CFH: variants seen among roughly 807,000 people sequenced by gnomAD.
The protein encoded by CFH is H factor 1 (complement).
In CFH, 53 loss-of-function variants were observed where a neutral mutation model predicts 147.3. The ratio of observed to expected loss-of-function variants is 0.36; its 90% CI spans 0.29 to 0.45. The LOEUF (loss-of-function observed/expected upper bound fraction) is 0.45. Among genes scored for constraint, CFH ranks in the 20% least tolerant of loss-of-function variants. CFH has a pLI of 1.00. For synonymous variants in CFH, 536 were observed against 489.4 expected (o/e 1.10, Z -1.26); for missense variants, 1,380 against 1,498.0 (o/e 0.92, Z 1.30).
rs771149112 is a variant in CFH, at chr1:196,745,948, A to C, written c.3442A>C (p.Lys1148Gln). The C allele has an allele frequency of 1.4e-5, 23 of 1,614,050 alleles. No homozygotes were observed. In the South Asian group the frequency reaches 2.5e-4, roughly 18 times the overall value. Residue 1148 changes from lysine to glutamine, a missense_variant, in exon 21 of 22, where the codon AAG becomes CAG. Lys to Gln is a moderately conservative substitution (Grantham distance 53, BLOSUM62 1). This residue lies in a region of CFH where 123 missense variants were observed against 185.3 expected (regional missense o/e 0.66). Coordinates refer to ENST00000367429, the MANE Select transcript of CFH (RefSeq NM_000186.4). ...GAACTTGTATCAACTTGAGGGTAAC[A>C]AGCGAATAACATGTAGAAATGGACA... is the stretch of plus-strand genomic sequence containing the variant. ...CQNLYQLEGN[K>Q]RITCRNGQWS...
At chr1:196,707,630 C>A (rs1668623248) in intron 9 of CFH, among the ~76,000 whole-genome samples, 1 of 152,186 alleles carries the variant, frequency 6.6e-6, no homozygotes, top group South Asian at 2.1e-4. Flanking sequence ...ATAAAACCCG[C>A]CCCGCCAGAT....
Position 196,741,918 on chromosome 1 carries a change from C to T in CFH, c.3000C>T (p.Pro1000=), listed in dbSNP as rs1652819535. 6.2e-7 allele frequency: 1 copy of T among 1,613,952 alleles called. No homozygotes were observed. The highest frequency in any genetic ancestry group is 8.5e-7 in the Non-Finnish European group (1 of 1,180,008). Reference sequence around the variant, plus strand: ...TACCTAGCTTTGAAAATGCCATACCCATGGGAGAGAAGAAGGATGTGTATA... The same window carrying T: ...TACCTAGCTTTGAAAATGCCATACCTATGGGAGAGAAGAAGGATGTGTATA... ...LSLPSFENAI[P]MGEKKDVYKA... Residue 1000 remains proline, a synonymous_variant, in exon 19 of 22, where the codon CCC becomes CCT. Coordinates refer to ENST00000367429, the MANE Select transcript of CFH (RefSeq NM_000186.4).
At chr1:196,691,929 A>G (rs1045150343) in intron 9 of CFH, among the ~76,000 whole-genome samples, 1 of 152,024 alleles carries the variant, frequency 6.6e-6, no homozygotes, top group Non-Finnish European at 1.5e-5. Flanking sequence ...TAATGGCTGT[A>G]TTTCATGTTT....
At chr1:196,655,494 A>G (rs1269956508) in intron 1 of CFH, among the ~76,000 whole-genome samples, 1 of 152,246 alleles carries the variant, frequency 6.6e-6, no homozygotes, top group Non-Finnish European at 1.5e-5. Flanking sequence ...AGGTAGAAGT[A>G]AGTTCCCAAA....
chr1:196,693,955 G>GGGGTGTGT (rs1553275432), intron 9 of CFH, among the ~76,000 whole-genome samples: 1 of 142,656 alleles, frequency 7.0e-6, no homozygotes, highest in African/African-American at 2.6e-5. Flanking sequence ...TTAGATAAAT[G>GGGGTGTGT]GTGTGTGTGT....
chr1:196,653,982 TA>T (rs1666592454), intron 1 of CFH, among the ~76,000 whole-genome samples: 2 of 152,142 alleles, frequency 1.3e-5, no homozygotes, highest in African/African-American at 4.8e-5. Flanking sequence ...ATCAGACTCC[TA>T]ATTTATTCCT....
intron 15 of CFH, among the ~76,000 whole-genome samples, chr1:196,734,351 C>G (rs2149111943): frequency 6.6e-6 from 1 of 152,004 alleles, no homozygotes; most frequent in African/African-American, 2.4e-5. Flanking sequence ...CAGGAGCTTC[C>G]ACTTCTGCCA....
intron 9 of CFH, among the ~76,000 whole-genome samples, chr1:196,704,685 A>G (rs547997864): frequency 6.6e-6 from 1 of 152,296 alleles, no homozygotes; most frequent in Admixed American, 6.5e-5. Flanking sequence ...TTTGAGAGAA[A>G]AGGCACAGCA....
chr1:196,743,868 A>G (rs138908114), intron 20 of CFH, among the ~76,000 whole-genome samples: 1 of 152,290 alleles, frequency 6.6e-6, no homozygotes, highest in Admixed American at 6.5e-5. Flanking sequence ...TTTAAGCATT[A>G]CAACACTTAG....
intron 9 of CFH, among the ~76,000 whole-genome samples, chr1:196,707,285 A>G (rs1436177515): frequency 6.6e-6 from 1 of 152,198 alleles, no homozygotes; most frequent in African/African-American, 2.4e-5. Context: ...GCCCTTTAAA[A>G]ATTTTACATG....
chr1:196,677,356 C>T (rs1667490665), intron 4 of CFH, 120 bp from the exon 5 acceptor site: 1 of 920,378 alleles, frequency 1.1e-6, no homozygotes, highest in African/African-American at 1.7e-5. Context: ...TCAAATGCTT[C>T]TAAAAATAAT....
chr1:196,686,439 GAGTA>G (rs1274679269), intron 7 of CFH, among the ~76,000 whole-genome samples: 1 of 152,044 alleles, frequency 6.6e-6, no homozygotes, highest in Non-Finnish European at 1.5e-5. Context: ...CAAGTCAATA[GAGTA>G]TTTTATTTCT....
chr1:196,740,381 G>T (rs973597229), intron 17 of CFH, among the ~76,000 whole-genome samples: 1 of 152,098 alleles, frequency 6.6e-6, no homozygotes, highest in African/African-American at 2.4e-5. Context: ...AGGCATAGAT[G>T]ATCTCTTTCT....
chr1:196,741,163 T>A (rs1319101695), intron 18 of CFH: 1 of 267,408 alleles, frequency 3.7e-6, no homozygotes, highest in Non-Finnish European at 7.3e-6. Context: ...ATTATAAGTA[T>A]TTCACATTTG....
intron 1 of CFH, among the ~76,000 whole-genome samples, 196 bp from the exon 2 acceptor site, chr1:196,672,782 G>T (rs1667325952): frequency 1.3e-5 from 2 of 151,980 alleles, no homozygotes; most frequent in Admixed American, 6.6e-5. Flanking sequence ...ATTTTATAAG[G>T]TGAAATGTAT....
chr1:196,725,036 A>G, intron 11 of CFH, 85 bp from the exon 12 acceptor site: 2 of 1,161,854 alleles, frequency 1.7e-6, no homozygotes, highest in Non-Finnish European at 2.5e-6. Context: ...CCCAATATCA[A>G]CCTCACTTTA....
intron 15 of CFH, among the ~76,000 whole-genome samples, chr1:196,730,808 T>C (rs923950644): frequency 1.3e-5 from 2 of 151,828 alleles, no homozygotes; most frequent in African/African-American, 4.8e-5. Flanking sequence ...TCTTGACAAA[T>C]TGACCCCACT....
At chr1:196,664,049 A>G (rs958495351) in intron 1 of CFH, among the ~76,000 whole-genome samples, 2 of 149,994 alleles carry the variant, frequency 1.3e-5, no homozygotes, top group Admixed American at 1.3e-4. Flanking sequence ...TTCAAAACAT[A>G]TGTTTTCCTG....
chr1:196,731,301 T>G (rs1669276000), intron 15 of CFH, among the ~76,000 whole-genome samples: 1 of 151,926 alleles, frequency 6.6e-6, no homozygotes, highest in Non-Finnish European at 1.5e-5. Context: ...TATTTGAAGT[T>G]GTAGTTATCC....
Sources: gnomAD v4.1 joint callset for allele counts (sites outside exome capture counted in the v4.1 genomes callset) on GRCh38, gnomAD v4.1.1 for gene constraint, gnomAD v4.1.1 regional missense constraint, MANE v1.5 for transcripts, NCBI Gene and HGNC (gene_info 2026-07-23, HGNC 2026-07-21) for gene names.